Variants in SRBD1 observed in about 807,000 individuals in gnomAD.
SRBD1 encodes S1 RNA-binding domain-containing protein 1.
SRBD1 carries 88 observed loss-of-function variants against 115.3 expected under a neutral mutation model. That is an observed-to-expected ratio of 0.76 (90% confidence interval 0.64 to 0.91). The LOEUF (loss-of-function observed/expected upper bound fraction) is 0.91. SRBD1 is among the 40% of genes least tolerant of loss of function. The pLI is 0.00. For missense variants in SRBD1, 1,385 were observed against 1,177.4 expected (o/e 1.18, Z -2.58); for synonymous variants, 509 against 407.7 (o/e 1.25, Z -2.99).
chr2:45,532,632 T>A (rs1671647275), intron 14 of SRBD1, among the ~76,000 whole-genome samples: 1 of 151,820 alleles, frequency 6.6e-6, no homozygotes, highest in African/African-American at 2.4e-5. Context: ...ATGTTAGGGT[T>A]CCTTCAAAAT....
chr2:45,488,414 C>G, intron 14 of SRBD1, 83 bp from the exon 15 acceptor site: 2 of 1,162,676 alleles, frequency 1.7e-6, no homozygotes, highest in Non-Finnish European at 2.5e-6. Flanking sequence ...CCAGGCATTA[C>G]CAGAAAAAAA....
Position 45,393,075 on chromosome 2 carries a change from T to A in SRBD1, c.2568A>T (p.Gln856His), listed in dbSNP as rs2103814817. 6.2e-7 allele frequency: 1 copy of A among 1,613,908 alleles called. No individual in the cohort carries two copies. The highest frequency in any genetic ancestry group is 2.2e-5 in the East Asian group (1 of 44,868). ...TLYEVGKPEM[Q>H]QKINSFLEKE... Reference sequence around the variant, plus strand: ...TTTCAAGGAATGAATTTATTTTTTGTTGCATTTCAGGCTTTCCAACCTCAT... The same window carrying A: ...TTTCAAGGAATGAATTTATTTTTTGATGCATTTCAGGCTTTCCAACCTCAT... The change falls in exon 20 of 21, where the codon CAA (glutamine) becomes CAT (histidine). Residue 856 changes from glutamine to histidine, a missense_variant. By Grantham distance (24) the Gln-to-His change is conservative. Transcript: ENST00000263736.
chr2:45,610,825 G>C (rs1219875095), intron 1 of SRBD1, among the ~76,000 whole-genome samples: 1 of 152,114 alleles, frequency 6.6e-6, no homozygotes, highest in Non-Finnish European at 1.5e-5. Flanking sequence ...CTACTCGGGA[G>C]GCTGAGGCAG....
intron 14 of SRBD1, among the ~76,000 whole-genome samples, chr2:45,535,519 A>C (rs1286700799): frequency 6.6e-6 from 1 of 151,984 alleles, no homozygotes; most frequent in Non-Finnish European, 1.5e-5. Context: ...GGAACAACAA[A>C]ATAACATCAG....
At chr2:45,521,286 A>AACACACACACACACACACACAC (rs71394840) in intron 14 of SRBD1, among the ~76,000 whole-genome samples, 10 of 146,330 alleles carry the variant, frequency 6.8e-5, no homozygotes, top group Non-Finnish European at 1.3e-4. Context: ...CAAAAAGGAA[A>AACACACACACACACACACACAC]ACACACACAC....
chr2:45,575,031 C>G (rs3731948), intron 7 of SRBD1, among the ~76,000 whole-genome samples: 16,727 of 152,190 alleles, frequency 0.11, 1,117 homozygotes, highest in East Asian at 0.2. Context: ...ACCTACTTGA[C>G]TCCTCTGTAC....
intron 4 of SRBD1, among the ~76,000 whole-genome samples, chr2:45,592,040 A>G (rs1422177958): frequency 2.0e-5 from 3 of 152,128 alleles, no homozygotes; most frequent in East Asian, 3.9e-4. Flanking sequence ...CTCCTGTGCT[A>G]TTCTTGCGAT....
At chr2:45,561,419 T>G (rs977805246) in intron 10 of SRBD1, among the ~76,000 whole-genome samples, 2 of 152,246 alleles carry the variant, frequency 1.3e-5, no homozygotes, top group African/African-American at 4.8e-5. Context: ...TGATCCTTCA[T>G]TGCTTTTAAT....
intron 4 of SRBD1, among the ~76,000 whole-genome samples, chr2:45,597,410 A>G (rs181937963): frequency 2.7e-5 from 4 of 147,628 alleles, no homozygotes; most frequent in Admixed American, 6.8e-5. Flanking sequence ...ACAGAGTGAG[A>G]CTCTGTCTCA....
chr2:45,607,215 T>A (rs1435897347), intron 1 of SRBD1, among the ~76,000 whole-genome samples: 1 of 152,206 alleles, frequency 6.6e-6, no homozygotes, highest in Admixed American at 6.5e-5. Context: ...TTATATTATG[T>A]GTATCTTACC....
At chr2:45,464,359 C>T (rs910792576) in intron 16 of SRBD1, among the ~76,000 whole-genome samples, 1 of 152,150 alleles carries the variant, frequency 6.6e-6, no homozygotes, top group African/African-American at 2.4e-5. Context: ...CTCTCCTATC[C>T]TATTAGGTTT....
chr2:45,562,851 C>A (rs1187337525), intron 9 of SRBD1, 95 bp from the exon 10 acceptor site: 22 of 684,366 alleles, frequency 3.2e-5, no homozygotes, highest in Middle Eastern at 2.6e-4. Flanking sequence ...ATTTTTTACT[C>A]GTTTATTAAA....
At chr2:45,401,359 C>T (rs1048215989) in intron 19 of SRBD1, among the ~76,000 whole-genome samples, 1 of 152,110 alleles carries the variant, frequency 6.6e-6, no homozygotes, top group Non-Finnish European at 1.5e-5. Context: ...TTTTATGATG[C>T]TATGTCTTTT....
At chr2:45,389,868 A>G (rs1485281029) in intron 20 of SRBD1, among the ~76,000 whole-genome samples, 1 of 152,234 alleles carries the variant, frequency 6.6e-6, no homozygotes, top group Non-Finnish European at 1.5e-5. Flanking sequence ...TCGAGAAGAC[A>G]GTCTTATTTT....
chr2:45,599,862 A>G, intron 3 of SRBD1, 27 bp from the exon 4 acceptor site: 5 of 1,566,524 alleles, frequency 3.2e-6, no homozygotes, highest in Non-Finnish European at 4.3e-6. Context: ...AGAACATATG[A>G]GAATTAGAAG....
chr2:45,445,527 C>T (rs1040002583), intron 16 of SRBD1, among the ~76,000 whole-genome samples: 1 of 75,866 alleles, frequency 1.3e-5, no homozygotes, highest in Admixed American at 2.1e-4. Flanking sequence ...GTGAAATGCA[C>T]AGAAGCAATA....
chr2:45,579,573 G>C (rs1307826580), intron 7 of SRBD1, among the ~76,000 whole-genome samples: 2 of 151,758 alleles, frequency 1.3e-5, no homozygotes, highest in Admixed American at 1.3e-4. Context: ...GAAAAGACAA[G>C]TTACAAACTG....
Position 45,574,785 on chromosome 2 carries a change from A to G in SRBD1, c.1073-62T>C, listed in dbSNP as rs1208925844. 9.4e-6 allele frequency: 13 copies of G among 1,377,124 alleles called. No homozygotes were observed. In the East Asian group the frequency reaches 2.1e-4, roughly 22 times the overall value. 85.3% of individuals were successfully genotyped at this position (1,377,124 alleles called of 1,614,324 possible). On this transcript the variant is annotated intron_variant, in intron 7 of 20. Coordinates refer to ENST00000263736, the MANE Select transcript of SRBD1 (RefSeq NM_018079.5). ...AAGTATACGATTGGTTTTAAATTCTATAACTAAATCACAGTAAATTAATTC... is the reference window on the plus strand; with the variant it reads ...AAGTATACGATTGGTTTTAAATTCTGTAACTAAATCACAGTAAATTAATTC...
chr2:45,575,761 T>C (rs1449954108), intron 7 of SRBD1, among the ~76,000 whole-genome samples: 1 of 152,184 alleles, frequency 6.6e-6, no homozygotes, highest in Non-Finnish European at 1.5e-5. Flanking sequence ...TGGAGTGCAG[T>C]GGTGCGATCT....
Sources: gnomAD v4.1 joint callset for allele counts (sites outside exome capture counted in the v4.1 genomes callset) on GRCh38, gnomAD v4.1.1 for gene constraint, MANE v1.5 for transcripts, NCBI Gene and HGNC (gene_info 2026-07-23, HGNC 2026-07-21) for gene names.